The following RAD51B variants were observed in gnomAD, a reference collection of about 807,000 sequenced individuals.
RAD51B encodes RAD51 paralog B.
A neutral mutation model predicts 42.2 loss-of-function variants in RAD51B; 38 were observed. That is an observed-to-expected ratio of 0.90 (90% CI 0.70 to 1.18). RAD51B has a LOEUF of 1.18. RAD51B is among the 50% of genes most tolerant of loss of function. The pLI, the probability that RAD51B is intolerant of heterozygous loss-of-function variation, is 0.00. For missense variants in RAD51B, 373 were observed against 400.7 expected (o/e 0.93, Z 0.59); for synonymous variants, 154 against 145.2 (o/e 1.06, Z -0.43).
intron 8 of RAD51B, among the ~76,000 whole-genome samples, chr14:68,323,232 C>T (rs918208410): frequency 2.6e-5 from 4 of 152,182 alleles, no homozygotes; most frequent in Admixed American, 2.6e-4. Context: ...GTATTAGCTA[C>T]AGGCTGGACA....
At chr14:68,104,824 G>T (rs534682628) in intron 7 of RAD51B, among the ~76,000 whole-genome samples, 1 of 152,106 alleles carries the variant, frequency 6.6e-6, no homozygotes, top group Non-Finnish European at 1.5e-5. Context: ...TGTTTATTAT[G>T]CAGGGTACAG....
intron 8 of RAD51B, among the ~76,000 whole-genome samples, chr14:68,299,078 TTCCCCAGATA>T (rs1354138981): frequency 6.6e-6 from 1 of 151,802 alleles, no homozygotes; most frequent in Non-Finnish European, 1.5e-5. Context: ...CTCCTCTATC[TTCCCCAGATA>T]GAGGAGGGCT....
chr14:68,666,440 C>G (rs1252812846), intron 11 of RAD51B, among the ~76,000 whole-genome samples: 1 of 152,212 alleles, frequency 6.6e-6, no homozygotes, highest in African/African-American at 2.4e-5. Context: ...AGCAATAGAT[C>G]TGTACTTTGC....
chr14:68,078,817 CT>C (rs2076872595), intron 7 of RAD51B, among the ~76,000 whole-genome samples: 1 of 152,072 alleles, frequency 6.6e-6, no homozygotes, highest in Non-Finnish European at 1.5e-5. Flanking sequence ...GAGGGAGCCC[CT>C]GTCTCTACAA....
At chr14:68,541,527 T>G in intron 10 of RAD51B, 1 of 985,426 alleles carries the variant, frequency 1.0e-6, no homozygotes, top group East Asian at 1.1e-4. Context: ...CCTTGGAAAC[T>G]CATGCAGGTC....
intron 8 of RAD51B, among the ~76,000 whole-genome samples, chr14:68,399,061 T>C (rs1295654382): frequency 6.6e-6 from 1 of 152,172 alleles, no homozygotes; most frequent in Non-Finnish European, 1.5e-5. Context: ...TAGAAACATA[T>C]GAATGCCCTA....
chr14:67,879,626 G>A (rs2042842798), intron 5 of RAD51B, among the ~76,000 whole-genome samples: 1 of 151,762 alleles, frequency 6.6e-6, no homozygotes, highest in South Asian at 2.1e-4. Context: ...TATTTTTTAT[G>A]GAAAATAAAT....
At chr14:68,535,706 A>G (rs1332122739) in intron 10 of RAD51B, among the ~76,000 whole-genome samples, 2 of 152,184 alleles carry the variant, frequency 1.3e-5, no homozygotes, top group African/African-American at 2.4e-5. Flanking sequence ...GAACATTCCA[A>G]CATTTCAGGA....
chr14:68,039,472 A>T (rs912216873), intron 7 of RAD51B, among the ~76,000 whole-genome samples: 3 of 151,832 alleles, frequency 2.0e-5, no homozygotes, highest in Non-Finnish European at 4.4e-5. Flanking sequence ...TATAACCATT[A>T]TACTATGAAT....
chr14:67,990,940 G>A (rs1444181432), intron 7 of RAD51B, among the ~76,000 whole-genome samples: 1 of 152,120 alleles, frequency 6.6e-6, no homozygotes, highest in African/African-American at 2.4e-5. Context: ...GGGTAGAAGG[G>A]TGAAGCCTTA....
At chr14:67,941,691 T>A (rs1595141566) in intron 7 of RAD51B, among the ~76,000 whole-genome samples, 1 of 152,220 alleles carries the variant, frequency 6.6e-6, no homozygotes, top group East Asian at 1.9e-4. Flanking sequence ...GAAGTTGTTT[T>A]AAACAGGATT....
chr14:68,482,120 GAAAGTAATTA>G (rs1883227697), downstream of RAD51B, among the ~76,000 whole-genome samples: 5 of 51,496 alleles, frequency 9.7e-5, no homozygotes, highest in South Asian at 0.01. Context: ...TACTTTTACT[GAAAGTAATTA>G]CTTTTACTGA....
At chr14:68,656,476 A>G (rs1328344394) in intron 11 of RAD51B, among the ~76,000 whole-genome samples, 3 of 152,138 alleles carry the variant, frequency 2.0e-5, no homozygotes, top group Admixed American at 6.5e-5. Flanking sequence ...GTATCAGAAC[A>G]GGGAGGCTGC....
intron 7 of RAD51B, among the ~76,000 whole-genome samples, chr14:68,023,236 A>G (rs1001759022): frequency 4.6e-5 from 7 of 152,202 alleles, no homozygotes; most frequent in Non-Finnish European, 8.8e-5. Flanking sequence ...CCTTCAAACT[A>G]CTTTCTACAA....
At chr14:68,221,756 AGAGTG>A (rs2079932023) in intron 7 of RAD51B, among the ~76,000 whole-genome samples, 1 of 152,276 alleles carries the variant, frequency 6.6e-6, no homozygotes, top group South Asian at 2.1e-4. Flanking sequence ...AACAACCCAC[AGAGTG>A]GGAGAAAATC....
chr14:67,942,752 A>C (rs570755931), intron 7 of RAD51B, among the ~76,000 whole-genome samples: 21 of 152,354 alleles, frequency 1.4e-4, no homozygotes, highest in Non-Finnish European at 3.1e-4. Flanking sequence ...ACTTAAGACA[A>C]AGAACATTTA....
chr14:68,290,261 G>T (rs1566787770), intron 7 of RAD51B, among the ~76,000 whole-genome samples: 1 of 152,310 alleles, frequency 6.6e-6, no homozygotes, highest in East Asian at 1.9e-4. Flanking sequence ...TGCACTAAAT[G>T]CCTAGTGCCC....
intron 7 of RAD51B, among the ~76,000 whole-genome samples, chr14:68,081,238 T>C (rs1251808288): frequency 6.6e-6 from 1 of 152,242 alleles, no homozygotes; most frequent in African/African-American, 2.4e-5. Flanking sequence ...CCAGAGAGCA[T>C]AGGTTTTGGG....
chr14:68,089,739 T>C (rs2077057872), intron 7 of RAD51B, among the ~76,000 whole-genome samples: 2 of 151,972 alleles, frequency 1.3e-5, no homozygotes, highest in African/African-American at 4.8e-5. Flanking sequence ...TAAATGTTTA[T>C]GTGTGTGTGA....
Sources: allele counts gnomAD v4.1 joint callset (sites outside exome capture counted in the v4.1 genomes callset), GRCh38; gene constraint gnomAD v4.1.1; transcripts MANE v1.5; gene names NCBI Gene and HGNC (gene_info 2026-07-23, HGNC 2026-07-21).